The following RBPJ variants were observed in gnomAD, a reference collection of about 807,000 sequenced individuals.
The protein encoded by RBPJ is recombining binding protein suppressor of hairless.
In RBPJ, 9 loss-of-function variants were observed where a neutral mutation model predicts 67.8. The observed-to-expected ratio is 0.13, with a 90% confidence interval of 0.08 to 0.23. The LOEUF (loss-of-function observed/expected upper bound fraction) is 0.23, where lower values mean the gene tolerates loss of function less well. Among genes scored for constraint, RBPJ ranks in the 10% least tolerant of loss-of-function variants. The pLI is 1.00. For missense variants in RBPJ, 305 were observed against 595.6 expected, an observed-to-expected ratio of 0.51 and a Z score of 5.08; for synonymous variants, 198 against 203.3, an observed-to-expected ratio of 0.97 and a Z score of 0.22.
intron 1 of RBPJ, among the ~76,000 whole-genome samples, chr4:26,296,817 G>A (rs1240192989): frequency 6.6e-6 from 1 of 152,114 alleles, no homozygotes; most frequent in Non-Finnish European, 1.5e-5. Flanking sequence ...TAGCAATTGC[G>A]CTTTCAAGGT....
intron 1 of RBPJ, among the ~76,000 whole-genome samples, chr4:26,178,145 T>C (rs1377372435): frequency 1.3e-5 from 2 of 152,234 alleles, no homozygotes; most frequent in East Asian, 3.8e-4. Flanking sequence ...GGTCTCCCCA[T>C]GTCTAGAAAC....
intron 1 of RBPJ, among the ~76,000 whole-genome samples, chr4:26,225,554 C>T (rs767879536): frequency 3.3e-5 from 5 of 151,984 alleles, no homozygotes; most frequent in African/African-American, 4.8e-5. Context: ...TTGTCAAAAC[C>T]CATAGAATAT....
intron 1 of RBPJ, among the ~76,000 whole-genome samples, chr4:26,215,157 A>G (rs111065422): frequency 0.31 from 6,266 of 19,926 alleles, 1,929 homozygotes; most frequent in East Asian, 0.64. Flanking sequence ...AGGGAGGGAG[A>G]GAAGGAGGAT....
intron 1 of RBPJ, among the ~76,000 whole-genome samples, chr4:26,254,460 C>A (rs995823487): frequency 1.3e-5 from 2 of 148,618 alleles, no homozygotes; most frequent in African/African-American, 5.2e-5. Context: ...AGGTTCTGTT[C>A]CACAATCTTT....
At chr4:26,203,935 G>A (rs1454130253) in intron 1 of RBPJ, among the ~76,000 whole-genome samples, 1 of 152,124 alleles carries the variant, frequency 6.6e-6, no homozygotes, top group Non-Finnish European at 1.5e-5. Flanking sequence ...TAAACTCACT[G>A]GGCCTTAAAA....
chr4:26,106,891 G>T, the RBPJ span, among the ~76,000 whole-genome samples: 1 of 152,160 alleles, frequency 6.6e-6, no homozygotes. Flanking sequence ...GGTGGAGAAG[G>T]AAACAGAAGG....
intron 1 of RBPJ, among the ~76,000 whole-genome samples, chr4:26,304,549 A>G (rs1331683239): frequency 6.6e-6 from 1 of 152,232 alleles, no homozygotes; most frequent in Non-Finnish European, 1.5e-5. Flanking sequence ...CAGGTGAGAA[A>G]TGGTATCTCA....
At chr4:26,429,192 A>G (rs1386381203) in intron 8 of RBPJ, among the ~76,000 whole-genome samples, 1 of 152,244 alleles carries the variant, frequency 6.6e-6, no homozygotes, top group African/African-American at 2.4e-5. Context: ...GTGTGCAAAC[A>G]TTGTATAGAC....
intron 1 of RBPJ, among the ~76,000 whole-genome samples, chr4:26,377,951 A>G (rs988123143): frequency 1.3e-5 from 2 of 152,196 alleles, no homozygotes; most frequent in Admixed American, 6.5e-5. Context: ...GCCCATTATC[A>G]CTAATAATCA....
chr4:26,109,865 A>T, the RBPJ span, among the ~76,000 whole-genome samples: 1 of 152,030 alleles, frequency 6.6e-6, no homozygotes, highest in Non-Finnish European at 1.5e-5. Context: ...CAGACTTGCC[A>T]GAAAGCAGAC....
At chr4:26,312,271 G>A (rs1210215022) in intron 1 of RBPJ, among the ~76,000 whole-genome samples, 2 of 151,968 alleles carry the variant, frequency 1.3e-5, no homozygotes, top group African/African-American at 2.4e-5. Flanking sequence ...AGCTGGGACT[G>A]CAGGCACCCG....
chr4:26,419,547 C>G (rs1734920781), intron 4 of RBPJ, among the ~76,000 whole-genome samples: 1 of 152,142 alleles, frequency 6.6e-6, no homozygotes, highest in Non-Finnish European at 1.5e-5. Context: ...AGCATTTGCT[C>G]TGCTTTTTAA....
rs937092984 is a variant in RBPJ, at chr4:26,426,759, T to A, written c.748-1961T>A. Among the ~76,000 whole-genome samples, 7 of 152,200 alleles carry A rather than the reference T, an allele frequency of 4.6e-5. No individual in the cohort carries two copies. In the South Asian group the frequency reaches 8.3e-4, roughly 18 times the overall value. ...AGAACCGGTAATTGAGTGAGGAGCA[T>A]TTCAGGCAAACAGAACAAGTACAGA... is the stretch of plus-strand genomic sequence containing the variant. On this transcript the variant is annotated intron_variant, in intron 7 of 10. Transcript: ENST00000355476.
At chr4:26,234,530 A>AG (rs1719389904) in intron 1 of RBPJ, among the ~76,000 whole-genome samples, 1 of 152,206 alleles carries the variant, frequency 6.6e-6, no homozygotes, top group Middle Eastern at 3.4e-3. Flanking sequence ...CTTTGCTCAA[A>AG]TGTTACCTTT....
rs149525998 is a variant in RBPJ, at chr4:26,291,920, C to T, written c.-166-70526C>T. ...GTTTTACATATATTTTTATTTTTTC[C>T]AGTTTTATTGAGGTATACTTGACAA... On this transcript the variant is annotated intron_variant, in intron 1 of 4. Coordinates refer to the RBPJ transcript ENST00000512351. Among the ~76,000 whole-genome samples the T allele has an allele frequency of 4.2e-3, 627 of 150,754 alleles. 38 individuals carry two copies. The highest frequency in any genetic ancestry group is 7.8e-3 in the Non-Finnish European group (527 of 67,544).
intron 1 of RBPJ, among the ~76,000 whole-genome samples, chr4:26,361,052 T>TGTGTGC (rs1175520900): frequency 6.8e-6 from 1 of 148,126 alleles, no homozygotes; most frequent in South Asian, 2.1e-4. Context: ...GGAGTGAGTG[T>TGTGTGC]GTGTGCGTGT....
Position 26,424,831 on chromosome 4 carries a change from C to T in RBPJ, c.747+88C>T. On this transcript the variant is annotated intron_variant, in intron 7 of 10. Transcript: ENST00000355476. The surrounding 1 kb of genome is among the most constrained non-coding windows in gnomAD (Gnocchi z 5.3). ...ATCACAACATTCAAATGGAAAAACACACCTCAGTTTTATGCTTTTTAATTT... is the reference window on the plus strand; with the variant it reads ...ATCACAACATTCAAATGGAAAAACATACCTCAGTTTTATGCTTTTTAATTT... The T allele has an allele frequency of 1.1e-5, 8 of 759,722 alleles. No homozygotes were observed. The highest frequency in any genetic ancestry group is 1.8e-5 in the Non-Finnish European group (8 of 445,882). 47.1% of individuals were successfully genotyped at this position (759,722 alleles called of 1,614,324 possible). A position where few individuals can be genotyped will look rare whatever the true frequency, so the allele number is the denominator to read the frequency against.
chr4:26,356,493 C>T (rs1727391990), intron 1 of RBPJ, among the ~76,000 whole-genome samples: 1 of 152,200 alleles, frequency 6.6e-6, no homozygotes, highest in Non-Finnish European at 1.5e-5. Context: ...ACCACTGTTA[C>T]AAATTTGAAT....
intron 2 of RBPJ, among the ~76,000 whole-genome samples, chr4:26,387,480 G>A (rs934341700): frequency 1.3e-5 from 2 of 152,030 alleles, no homozygotes; most frequent in South Asian, 2.1e-4. Flanking sequence ...GATGCATGTC[G>A]CCTAATAAAT....
Sources: allele counts gnomAD v4.1 joint callset (sites outside exome capture counted in the v4.1 genomes callset), GRCh38; gene constraint gnomAD v4.1.1; non-coding constraint Gnocchi (gnomAD v3.1); transcripts MANE v1.5; gene names NCBI Gene and HGNC (gene_info 2026-07-23, HGNC 2026-07-21).